CEP135: variants seen among roughly 807,000 people sequenced by gnomAD.
CEP135 encodes the protein centrosomal protein 135.
A neutral mutation model predicts 157.3 loss-of-function variants in CEP135; 142 were observed. That is an observed-to-expected ratio of 0.90 (90% CI 0.79 to 1.04). The LOEUF (loss-of-function observed/expected upper bound fraction) is 1.04, where lower values mean the gene tolerates loss of function less well. CEP135 is among the 50% of genes least tolerant of loss of function. The probability of loss-of-function intolerance (pLI) is 0.00; values close to 1 mark genes in which losing one functional copy is unlikely to be tolerated. For missense variants in CEP135, 1,317 were observed against 1,309.2 expected (o/e 1.01, Z -0.09); for synonymous variants, 396 against 439.8 (o/e 0.90, Z 1.25).
At chr4:55,989,468 G>A (rs1207342951) in intron 14 of CEP135, among the ~76,000 whole-genome samples, 1 of 152,204 alleles carries the variant, frequency 6.6e-6, no homozygotes, top group African/African-American at 2.4e-5. Flanking sequence ...GTGCCAGAAT[G>A]TGTGCCCCTA....
chr4:56,011,306 C>A, intron 19 of CEP135, 106 bp from the exon 20 acceptor site: 1 of 734,466 alleles, frequency 1.4e-6, no homozygotes, highest in African/African-American at 1.8e-5. Context: ...TTTCCTTTTG[C>A]CCTACTCTAT....
At position 55,965,788 on chromosome 4, in the gene CEP135, T is replaced by A; in HGVS notation, c.973T>A (p.Leu325Ile). ...LCQELTEIDQ[L>I]AQQLERHKEE... ...CCAAGAATTAACTGAAATAGATCAGTTAGCACAGCAGTTGGAAAGACATAA... is the reference window on the plus strand; with the variant it reads ...CCAAGAATTAACTGAAATAGATCAGATAGCACAGCAGTTGGAAAGACATAA... The change falls in exon 8 of 26, where the codon TTA (leucine) becomes ATA (isoleucine). Residue 325 changes from leucine (L) to isoleucine (I), a missense_variant. Physicochemically the swap from Leu to Ile is conservative, Grantham distance 5. Transcript: ENST00000257287. The A allele has an allele frequency of 1.9e-6, 3 of 1,613,824 alleles. No homozygotes were observed. Among genetic ancestry groups the A allele is most frequent in the Non-Finnish European group, 2.5e-6 (3 of 1,179,834 alleles).
intron 14 of CEP135, among the ~76,000 whole-genome samples, chr4:55,985,817 G>C (rs568069161): frequency 6.6e-6 from 1 of 152,148 alleles, no homozygotes; most frequent in Non-Finnish European, 1.5e-5. Context: ...GTGCACACCT[G>C]TAGTCCCAGC....
chr4:55,981,117 G>T, intron 12 of CEP135, 110 bp from the exon 13 acceptor site: 1 of 908,256 alleles, frequency 1.1e-6, no homozygotes, highest in South Asian at 1.9e-5. Context: ...AGAGAGTGAC[G>T]GTAGCATGTG....
At chr4:56,006,375 A>G (rs373709287) in intron 17 of CEP135, among the ~76,000 whole-genome samples, 17 of 152,278 alleles carry the variant, frequency 1.1e-4, no homozygotes, top group South Asian at 6.2e-4. Context: ...AGATCCTCCA[A>G]TGAATTTTTC....
intron 6 of CEP135, 30 bp downstream of exon 6, chr4:55,959,796 G>T (rs988496314): frequency 6.7e-7 from 1 of 1,482,290 alleles, no homozygotes; most frequent in Non-Finnish European, 9.4e-7. Context: ...GCATAGTAGG[G>T]ATTGAGATAG....
At position 55,971,263 on chromosome 4, in the gene CEP135, T is replaced by C; in HGVS notation, c.1111-7T>C. ...AGAAATCTTAATTATAGTATTAAAA[T>C]TTGCAGGAATTGAACTTATGCCAGA... On this transcript the variant is annotated splice_region_variant and splice_polypyrimidine_tract_variant and intron_variant, in intron 9 of 25. Transcript: ENST00000257287. The C allele has an allele frequency of 6.4e-7, 1 of 1,558,290 alleles. No individual in the cohort carries two copies. The highest frequency in any genetic ancestry group is 1.2e-5 in the South Asian group (1 of 82,006).
At chr4:55,958,746 A>G (rs1237604451) in intron 5 of CEP135, among the ~76,000 whole-genome samples, 1 of 152,160 alleles carries the variant, frequency 6.6e-6, no homozygotes, top group African/African-American at 2.4e-5. Context: ...TACAAGCCGT[A>G]TCCAGCCTCA....
At chr4:56,024,425 C>A in intron 24 of CEP135, 76 bp from the exon 25 acceptor site, 1 of 959,284 alleles carries the variant, frequency 1.0e-6, no homozygotes, top group Admixed American at 1.8e-5. Flanking sequence ...TAGCTAATAA[C>A]TCTTATATTT....
At chr4:56,004,358 G>GCTAT (rs1344011675) in intron 17 of CEP135, among the ~76,000 whole-genome samples, 1 of 152,150 alleles carries the variant, frequency 6.6e-6, no homozygotes, top group Non-Finnish European at 1.5e-5. Context: ...CGTTCCATGT[G>GCTAT]CTGATAAAAG....
At chr4:55,990,416 C>A (rs1044502754) in intron 14 of CEP135, among the ~76,000 whole-genome samples, 1 of 152,018 alleles carries the variant, frequency 6.6e-6, no homozygotes, top group Admixed American at 6.6e-5. Flanking sequence ...GTCATTTTCC[C>A]ATCTAGAATT....
At chr4:55,952,924 A>G (rs1728402292) in intron 2 of CEP135, among the ~76,000 whole-genome samples, 161 bp from the exon 3 acceptor site, 1 of 152,206 alleles carries the variant, frequency 6.6e-6, no homozygotes. Flanking sequence ...CCCCCATTAT[A>G]AATCTTACAG....
intron 14 of CEP135, among the ~76,000 whole-genome samples, chr4:55,987,839 A>G (rs539807089): frequency 6.6e-6 from 1 of 152,334 alleles, no homozygotes; most frequent in East Asian, 1.9e-4. Context: ...TCAGACTAAT[A>G]TTTAGTTAGG....
At chr4:56,012,423 C>T (rs1485196444) in intron 21 of CEP135, among the ~76,000 whole-genome samples, 1 of 152,206 alleles carries the variant, frequency 6.6e-6, no homozygotes, top group East Asian at 1.9e-4. Context: ...AAATTTCTGT[C>T]ATTCTCATAA....
chr4:55,977,840 C>T (rs1729273162), intron 11 of CEP135, among the ~76,000 whole-genome samples: 1 of 152,194 alleles, frequency 6.6e-6, no homozygotes, highest in African/African-American at 2.4e-5. Context: ...CCCAGCGTAA[C>T]ATCTAGTTAC....
chr4:55,949,819 A>C (rs1284733554), intron 1 of CEP135, among the ~76,000 whole-genome samples: 1 of 152,224 alleles, frequency 6.6e-6, no homozygotes, highest in African/African-American at 2.4e-5. Context: ...GGACGGCCTA[A>C]CATGTTTCTA....
At chr4:55,951,074 A>G (rs1398372712) in intron 1 of CEP135, among the ~76,000 whole-genome samples, 10 of 152,202 alleles carry the variant, frequency 6.6e-5, no homozygotes, top group African/African-American at 2.4e-4. Flanking sequence ...AGATTCATCC[A>G]TGCTGTTGAT....
At chr4:55,955,115 A>G (rs1728467004) in intron 4 of CEP135, among the ~76,000 whole-genome samples, 1 of 151,784 alleles carries the variant, frequency 6.6e-6, no homozygotes, top group Admixed American at 6.6e-5. Flanking sequence ...CCACATCCAG[A>G]GTTGGTGATT....
At chr4:55,995,387 T>C (rs1013277518) in intron 15 of CEP135, among the ~76,000 whole-genome samples, 5 of 152,294 alleles carry the variant, frequency 3.3e-5, no homozygotes, top group African/African-American at 1.2e-4. Flanking sequence ...TCTCTAGTAA[T>C]AAGCGAAACA....
Sources: allele counts gnomAD v4.1 joint callset (sites outside exome capture counted in the v4.1 genomes callset), GRCh38; gene constraint gnomAD v4.1.1; transcripts MANE v1.5; gene names NCBI Gene and HGNC (gene_info 2026-07-23, HGNC 2026-07-21).